The following JPH3 variants were observed in gnomAD, a reference collection of about 807,000 sequenced individuals.
JPH3 encodes junctophilin-3.
In JPH3, 11 loss-of-function variants were observed where a neutral mutation model predicts 59.6. The ratio of observed to expected loss-of-function variants is 0.18; its 90% CI spans 0.12 to 0.31. The LOEUF (loss-of-function observed/expected upper bound fraction) is 0.31. JPH3 is among the 10% of genes least tolerant of loss of function. JPH3 has a pLI of 1.00. For synonymous variants in JPH3, 673 were observed against 483.6 expected (o/e 1.39, Z -5.14); for missense variants, 1,202 against 1,105.7 (o/e 1.09, Z -1.24).
intron 1 of JPH3, among the ~76,000 whole-genome samples, chr16:87,639,892 C>G (rs1356848132): frequency 1.3e-5 from 2 of 152,240 alleles, no homozygotes; most frequent in Non-Finnish European, 2.9e-5. Context: ...GGGACCACGT[C>G]ATTTTATCCC....
In JPH3 at chr16:87,689,602, G is replaced by T. The variant is rs756586868; in HGVS notation, c.1286-44G>T. ...GGGGACCGCGGCCTCGCTGTGGAAT[G>T]TGCTGGGTAACGCCGTCTGGCGTCG... On this transcript the variant is annotated intron_variant, in intron 3 of 4. Transcript: ENST00000284262. 14 of 1,595,366 alleles carry T rather than the reference G, an allele frequency of 8.8e-6. No homozygotes were observed. The South Asian group carries it at 1.5e-4, about 17-fold the overall frequency.
intron 1 of JPH3, among the ~76,000 whole-genome samples, chr16:87,628,408 G>C (rs1161768038): frequency 1.3e-5 from 2 of 152,252 alleles, no homozygotes; most frequent in Non-Finnish European, 2.9e-5. Context: ...CTGCCCTCCT[G>C]AGTGAGTGAG....
rs1290208696 is a variant in JPH3 at position 87,603,054 on chromosome 16, C to T, written c.-93C>T. 2 of 1,535,382 alleles carry T rather than the reference C, an allele frequency of 1.3e-6. No homozygotes were observed. The highest frequency in any genetic ancestry group is 2.8e-5 in the African/African-American group (2 of 72,370). On this transcript the variant is annotated 5_prime_UTR_variant, in exon 1 of 5. Transcript: ENST00000284262. ...GTCCTCCTCTCCTCCGGAAAACGCTCGCGACCCAGGGCCGCCGGCGGCCGC... is the reference window on the plus strand; with the variant it reads ...GTCCTCCTCTCCTCCGGAAAACGCTTGCGACCCAGGGCCGCCGGCGGCCGC...
At chr16:87,667,228 A>G (rs2032892668) in intron 2 of JPH3, among the ~76,000 whole-genome samples, 1 of 152,198 alleles carries the variant, frequency 6.6e-6, no homozygotes, top group Non-Finnish European at 1.5e-5. Context: ...TGATTGCATT[A>G]GGGCCCACCT....
chr16:87,660,629 A>G (rs766866102), intron 2 of JPH3, among the ~76,000 whole-genome samples: 1 of 152,172 alleles, frequency 6.6e-6, no homozygotes, highest in Non-Finnish European at 1.5e-5. Flanking sequence ...AGAGGAAGCC[A>G]CAGCTCGGGG....
At chr16:87,648,871 G>T (rs558322456) in intron 2 of JPH3, among the ~76,000 whole-genome samples, 2 of 152,300 alleles carry the variant, frequency 1.3e-5, no homozygotes, top group Admixed American at 1.3e-4. Flanking sequence ...TGTCTAGGTG[G>T]GGGCCCCAGC....
chr16:87,652,771 C>T (rs115161542), intron 2 of JPH3, among the ~76,000 whole-genome samples: 3,026 of 152,318 alleles, frequency 0.02, 103 homozygotes, highest in African/African-American at 0.069. Context: ...TGGTGGCAGC[C>T]GGTGTGCTGG....
chr16:87,627,868 C>A (rs1489965045), intron 1 of JPH3, among the ~76,000 whole-genome samples: 2 of 152,210 alleles, frequency 1.3e-5, no homozygotes, highest in Non-Finnish European at 2.9e-5. Context: ...ACAGCATCAG[C>A]CAGGCACCCT....
At chr16:87,652,068 A>T (rs996801422) in intron 2 of JPH3, among the ~76,000 whole-genome samples, 2 of 151,260 alleles carry the variant, frequency 1.3e-5, no homozygotes, top group African/African-American at 4.9e-5. Flanking sequence ...TCCGCCTCCC[A>T]GGTTCACGCC....
At position 87,647,195 on chromosome 16, in the gene JPH3, C is replaced by T. The variant is rs377247010; in HGVS notation, c.1160+2160C>T. Reference sequence around the variant, plus strand: ...TGCCTACGTATAAGTGGGCATCATGCTGGGGTGAAAGCCCAGGGGCTGGGC... The same window carrying T: ...TGCCTACGTATAAGTGGGCATCATGTTGGGGTGAAAGCCCAGGGGCTGGGC... On this transcript the variant is annotated intron_variant, in intron 2 of 4. Coordinates refer to ENST00000284262, the MANE Select transcript of JPH3 (RefSeq NM_020655.4). 1.5e-4 allele frequency among the ~76,000 whole-genome samples: 23 copies of T among 148,754 alleles called. No individual in the cohort carries two copies. The East Asian group carries it at 3.0e-3, about 19-fold the overall frequency.
intron 2 of JPH3, among the ~76,000 whole-genome samples, chr16:87,662,143 C>T (rs1206236575): frequency 1.3e-5 from 2 of 152,210 alleles, no homozygotes; most frequent in Non-Finnish European, 2.9e-5. Context: ...GCCTCCCCTG[C>T]CTGCCCTGGG....
chr16:87,642,155 A>G (rs775182741), intron 1 of JPH3, among the ~76,000 whole-genome samples: 1 of 151,128 alleles, frequency 6.6e-6, no homozygotes, highest in African/African-American at 2.4e-5. Flanking sequence ...CGGACAGGTC[A>G]CTTGAGGCTA....
In JPH3 at chr16:87,697,949, T is replaced by C. The variant is rs1200882014; in HGVS notation, c.*1289T>C. ...TGCCTGAGGGGTCCGGGCACGGCCA[T>C]ACGCAGGACCCCTGTGCCCGGGGAG... On this transcript the variant is annotated 3_prime_UTR_variant, in exon 5 of 5. Coordinates refer to ENST00000284262, the MANE Select transcript of JPH3 (RefSeq NM_020655.4). 4 of 152,626 alleles carry C rather than the reference T, an allele frequency of 2.6e-5. No individual in the cohort carries two copies. In the South Asian group the frequency reaches 6.2e-4, roughly 24 times the overall value. 9.5% of individuals were successfully genotyped at this position (152,626 alleles called of 1,614,324 possible). A position where few individuals can be genotyped will look rare whatever the true frequency, so the allele number is the denominator to read the frequency against.
intron 1 of JPH3, among the ~76,000 whole-genome samples, chr16:87,638,492 T>A (rs1459338742): frequency 2.0e-5 from 3 of 151,422 alleles, no homozygotes; most frequent in Non-Finnish European, 4.4e-5. Flanking sequence ...ACAGAGCACT[T>A]GAAGGGGCGG....
chr16:87,605,126 T>C (rs1051452738), intron 1 of JPH3, among the ~76,000 whole-genome samples: 2 of 152,106 alleles, frequency 1.3e-5, no homozygotes, highest in Admixed American at 6.5e-5. Context: ...GCCAGGAGGC[T>C]CTGCAGACCT....
At chr16:87,606,315 G>T (rs1285132802) in intron 1 of JPH3, among the ~76,000 whole-genome samples, 1 of 152,248 alleles carries the variant, frequency 6.6e-6, no homozygotes, top group African/African-American at 2.4e-5. Flanking sequence ...GGGAAATGGC[G>T]ATTTTCATGA....
intron 2 of JPH3, among the ~76,000 whole-genome samples, chr16:87,659,097 G>A (rs2032610350): frequency 6.6e-6 from 1 of 152,184 alleles, no homozygotes; most frequent in Non-Finnish European, 1.5e-5. Context: ...GGAACAGACG[G>A]GTGTGGTGGC....
chr16:87,643,226 C>G (rs1042599937), intron 1 of JPH3, among the ~76,000 whole-genome samples: 1 of 152,240 alleles, frequency 6.6e-6, no homozygotes, highest in Non-Finnish European at 1.5e-5. Flanking sequence ...GAATGTTCTA[C>G]CTTTTCAAGG....
intron 1 of JPH3, among the ~76,000 whole-genome samples, chr16:87,621,132 C>T (rs996060154): frequency 1.2e-4 from 19 of 152,116 alleles, no homozygotes; most frequent in African/African-American, 4.3e-4. Context: ...GCACTCCAGC[C>T]TGGGCAACAG....
Sources: gnomAD v4.1 joint callset for allele counts (sites outside exome capture counted in the v4.1 genomes callset) on GRCh38, gnomAD v4.1.1 for gene constraint, MANE v1.5 for transcripts, NCBI Gene and HGNC (gene_info 2026-07-23, HGNC 2026-07-21) for gene names.